The following UTRN variants were observed in gnomAD, a reference collection of about 807,000 sequenced individuals.
UTRN encodes the protein dystrophin-related protein 1.
UTRN carries 283 observed loss-of-function variants against 463.9 expected under a neutral mutation model. The observed-to-expected ratio is 0.61, with a 90% confidence interval of 0.55 to 0.67. UTRN has a LOEUF of 0.67. Among genes scored for constraint, UTRN ranks in the 30% least tolerant of loss-of-function variants. The pLI is 0.00. For synonymous variants in UTRN, 1,442 were observed against 1,431.5 expected (o/e 1.01, Z -0.17); for missense variants, 3,922 against 4,084.3 (o/e 0.96, Z 1.08).
In UTRN at chr6:144,614,052, T is replaced by C. The variant is rs186909331; in HGVS notation, c.7479+36764T>C. Among the ~76,000 whole-genome samples, 117 of 152,222 alleles carry C rather than the reference T, an allele frequency of 7.7e-4. 2 individuals are homozygous for C. In the East Asian group the frequency reaches 0.02, roughly 26 times the overall value. On this transcript the variant is annotated intron_variant, in intron 51 of 74. Coordinates refer to ENST00000367545, the MANE Select transcript of UTRN (RefSeq NM_007124.3). ...TCATTATGAGTCAGAGCCTTTTTTT[T>C]CCTTTTCTGAATTTATAGTAACGAC...
chr6:144,544,167 A>G (rs897269812), intron 46 of UTRN, among the ~76,000 whole-genome samples: 10 of 152,224 alleles, frequency 6.6e-5, no homozygotes, highest in Non-Finnish European at 1.3e-4. Flanking sequence ...TTAACAGGAT[A>G]TTCGTCCTTG....
chr6:144,597,235 C>CAAA (rs67471247), intron 51 of UTRN, among the ~76,000 whole-genome samples: 1 of 85,748 alleles, frequency 1.2e-5, no homozygotes, highest in Non-Finnish European at 2.6e-5. Context: ...GAGACTGTCT[C>CAAA]AAAAAAAAAA....
intron 51 of UTRN, among the ~76,000 whole-genome samples, chr6:144,666,957 G>A (rs1276491664): frequency 7.2e-5 from 11 of 152,104 alleles, no homozygotes; most frequent in South Asian, 4.1e-4. Flanking sequence ...CTGATGTTGC[G>A]TATGCTCTTG....
rs538324467 is a variant in UTRN, at chr6:144,487,789, A to G, written c.3972+92A>G. Reference sequence around the variant, plus strand: ...TATCATAGAGCTTTAATGTTGGAAAAATCTTTAATGTTGGTTAAAGTTGGT... The same window carrying G: ...TATCATAGAGCTTTAATGTTGGAAAGATCTTTAATGTTGGTTAAAGTTGGT... On this transcript the variant is annotated intron_variant, in intron 29 of 74. Coordinates refer to ENST00000367545, the MANE Select transcript of UTRN (RefSeq NM_007124.3). The G allele has an allele frequency of 6.9e-6, 9 of 1,297,656 alleles. No homozygotes were observed. In the South Asian group the frequency reaches 1.2e-4, roughly 17 times the overall value. 80.4% of individuals were successfully genotyped at this position (1,297,656 alleles called of 1,614,324 possible). A position where few individuals can be genotyped will look rare whatever the true frequency, so the allele number is the denominator to read the frequency against.
chr6:144,561,392 G>A (rs1325274365), intron 50 of UTRN, among the ~76,000 whole-genome samples: 1 of 150,894 alleles, frequency 6.6e-6, no homozygotes, highest in African/African-American at 2.4e-5. Flanking sequence ...GCACATGCAT[G>A]TATATACAGG....
chr6:144,590,254 A>G (rs950994825), intron 51 of UTRN, among the ~76,000 whole-genome samples: 1 of 152,212 alleles, frequency 6.6e-6, no homozygotes, highest in Non-Finnish European at 1.5e-5. Flanking sequence ...TTAAGGAAAT[A>G]AAGATTTTTA....
chr6:144,817,461 G>C (rs1351131843), intron 65 of UTRN, among the ~76,000 whole-genome samples: 2 of 152,170 alleles, frequency 1.3e-5, no homozygotes, highest in Admixed American at 6.5e-5. Context: ...TGTAAAGGCA[G>C]AGTTGAGTTT....
intron 10 of UTRN, 94 bp from the exon 11 acceptor site, chr6:144,437,470 AC>A (rs1402037469): frequency 3.6e-5 from 45 of 1,251,682 alleles, no homozygotes; most frequent in Non-Finnish European, 4.4e-5. Context: ...TTTCTGCATC[AC>A]TGACATTTAG....
intron 2 of UTRN, among the ~76,000 whole-genome samples, chr6:144,338,602 C>G (rs1776910352): frequency 6.6e-6 from 1 of 152,094 alleles, no homozygotes; most frequent in Admixed American, 6.6e-5. Context: ...GATTTTGAAG[C>G]TGGGCAGGTG....
intron 51 of UTRN, among the ~76,000 whole-genome samples, chr6:144,620,269 T>G (rs1775213468): frequency 6.6e-6 from 1 of 152,204 alleles, no homozygotes; most frequent in African/African-American, 2.4e-5. Flanking sequence ...CATTTGCATT[T>G]TATTGGCTAC....
At chr6:144,814,479 A>G (rs139437385) in intron 65 of UTRN, among the ~76,000 whole-genome samples, 1 of 152,358 alleles carries the variant, frequency 6.6e-6, no homozygotes, top group East Asian at 1.9e-4. Flanking sequence ...AAGAAGAGGA[A>G]TCTCTGTGAA....
intron 2 of UTRN, among the ~76,000 whole-genome samples, chr6:144,355,629 T>C (rs1444097480): frequency 1.3e-5 from 2 of 152,162 alleles, no homozygotes; most frequent in African/African-American, 4.8e-5. Context: ...ATTTTTGCCG[T>C]TTTGAAATAA....
chr6:144,379,001 G>A (rs1348012157), intron 2 of UTRN, among the ~76,000 whole-genome samples: 1 of 152,198 alleles, frequency 6.6e-6, no homozygotes, highest in African/African-American at 2.4e-5. Context: ...GGATGAAAGT[G>A]CTTTTCCGTA....
chr6:144,286,882 C>T lies in UTRN; in HGVS notation c.-93+1061C>T, dbSNP rs1013637177. ...TGTTCAGGACAGGGCCTCCTCTTTCCCAGCCTTCAGGTCAGCCGGATCACC... is the reference window on the plus strand; with the variant it reads ...TGTTCAGGACAGGGCCTCCTCTTTCTCAGCCTTCAGGTCAGCCGGATCACC... On this transcript the variant is annotated intron_variant, in intron 1 of 74. Transcript: ENST00000367545. This position sits in a 1 kb window ranked among gnomAD's most constrained non-coding sequence, Gnocchi z 4.4. Among the ~76,000 whole-genome samples, 1 of 152,174 alleles carries T rather than the reference C, an allele frequency of 6.6e-6. No homozygotes were observed. Among genetic ancestry groups the T allele is most frequent in the East Asian group, 1.9e-4 (1 of 5,186 alleles).
At chr6:144,439,498 C>CTT (rs201351028) in intron 12 of UTRN, among the ~76,000 whole-genome samples, 7,751 of 151,554 alleles carry the variant, frequency 0.051, 619 homozygotes, top group African/African-American at 0.17. Flanking sequence ...TTCTTTCTTT[C>CTT]TTTCTTTTTT....
intron 51 of UTRN, among the ~76,000 whole-genome samples, chr6:144,674,713 T>G (rs1322671196): frequency 6.6e-6 from 1 of 152,110 alleles, no homozygotes; most frequent in African/African-American, 2.4e-5. Context: ...TATTCCACCA[T>G]TTCCAGCTAA....
At chr6:144,682,517 T>A in intron 52 of UTRN, among the ~76,000 whole-genome samples, 1 of 152,194 alleles carries the variant, frequency 6.6e-6, no homozygotes, top group East Asian at 1.9e-4. Flanking sequence ...GATTGCTGGA[T>A]CATATGGTAG....
At chr6:144,463,379 G>A (rs1789606473) in intron 23 of UTRN, among the ~76,000 whole-genome samples, 1 of 152,180 alleles carries the variant, frequency 6.6e-6, no homozygotes, top group Non-Finnish European at 1.5e-5. Flanking sequence ...TGAAAATGTT[G>A]ACAGATGCAG....
intron 51 of UTRN, among the ~76,000 whole-genome samples, chr6:144,660,948 A>C (rs1490105607): frequency 6.6e-6 from 1 of 152,214 alleles, no homozygotes; most frequent in Non-Finnish European, 1.5e-5. Context: ...ACTACCTTAC[A>C]TTTATAGTTA....
Sources: gnomAD v4.1 joint callset for allele counts (sites outside exome capture counted in the v4.1 genomes callset) on GRCh38, gnomAD v4.1.1 for gene constraint, Gnocchi (gnomAD v3.1) non-coding constraint, MANE v1.5 for transcripts, NCBI Gene and HGNC (gene_info 2026-07-23, HGNC 2026-07-21) for gene names.